The following ZMAT5 variants were observed in gnomAD, a reference collection of about 807,000 sequenced individuals.
The protein encoded by ZMAT5 is zinc finger matrin-type protein 5.
A neutral mutation model predicts 28.0 loss-of-function variants in ZMAT5; 23 were observed. That is an observed-to-expected ratio of 0.82 (90% CI 0.59 to 1.16). The LOEUF (loss-of-function observed/expected upper bound fraction) is 1.16, where lower values mean the gene tolerates loss of function less well. ZMAT5 is among the 50% of genes most tolerant of loss of function. ZMAT5 has a pLI of 0.00. For missense variants in ZMAT5, 173 were observed against 212.7 expected (o/e 0.81, Z 1.16); for synonymous variants, 76 against 84.1 (o/e 0.90, Z 0.52).
intron 1 of ZMAT5, among the ~76,000 whole-genome samples, 184 bp downstream of exon 1, chr22:29,766,688 G>C (rs1323855604): frequency 6.6e-6 from 1 of 152,188 alleles, no homozygotes; most frequent in Non-Finnish European, 1.5e-5. Context: ...CTTAATCCAG[G>C]GTGAAGGGTT....
At chr22:29,733,998 ACT>A (rs953737015) in intron 5 of ZMAT5, among the ~76,000 whole-genome samples, 13 of 152,008 alleles carry the variant, frequency 8.6e-5, no homozygotes, top group Non-Finnish European at 1.2e-4. Flanking sequence ...GACAGGAGCC[ACT>A]CTCTTGCATT....
chr22:29,733,313 A>G (rs2067871023), intron 5 of ZMAT5, among the ~76,000 whole-genome samples: 1 of 152,078 alleles, frequency 6.6e-6, no homozygotes, highest in South Asian at 2.1e-4. Context: ...GCCTGCGGAG[A>G]GGGGTTTGGA....
At chr22:29,763,190 G>A (rs2068174218) in intron 1 of ZMAT5, among the ~76,000 whole-genome samples, 1 of 152,118 alleles carries the variant, frequency 6.6e-6, no homozygotes, top group South Asian at 2.1e-4. Context: ...TTACTCGGGA[G>A]GCTGAGAGAA....
rs2067927293 is a variant in ZMAT5 at position 29,738,351 on chromosome 22, A to G, written c.362T>C (p.Leu121Pro). ...GTACCTGCTACTTGGGGCTGAGCTCAGCCGCTTGGCTCTCTTCTCCAGCCA... is the reference window on the plus strand; with the variant it reads ...GTACCTGCTACTTGGGGCTGAGCTCGGCCGCTTGGCTCTCTTCTCCAGCCA... ...EDWLEKRAKR[L>P]SSAPSSRAEP... Residue 121 changes from leucine (L) to proline (P), a missense_variant, in exon 5 of 6, where the codon CTG becomes CCG. Coordinates refer to ENST00000344318, the MANE Select transcript of ZMAT5 (RefSeq NM_001003692.2). 3.7e-6 allele frequency: 6 copies of G among 1,609,482 alleles called. No homozygotes were observed. The highest frequency in any genetic ancestry group is 5.1e-6 in the Non-Finnish European group (6 of 1,179,750).
chr22:29,752,905 G>C (rs1392971341), intron 1 of ZMAT5, among the ~76,000 whole-genome samples: 3 of 152,014 alleles, frequency 2.0e-5, no homozygotes, highest in Non-Finnish European at 2.9e-5. Context: ...GAGACCAACG[G>C]GCAGCACAGT....
At chr22:29,733,556 T>A (rs1311406705) in intron 5 of ZMAT5, among the ~76,000 whole-genome samples, 2 of 152,142 alleles carry the variant, frequency 1.3e-5, no homozygotes, top group Non-Finnish European at 2.9e-5. Flanking sequence ...GCTCTTGACA[T>A]GATTTATGGC....
At chr22:29,743,945 A>G (rs1300462341) in intron 2 of ZMAT5, among the ~76,000 whole-genome samples, 1 of 152,212 alleles carries the variant, frequency 6.6e-6, no homozygotes, top group African/African-American at 2.4e-5. Context: ...CACAGGCTCC[A>G]GAGTCCAAGA....
rs2068035569 is a variant in ZMAT5, at chr22:29,749,134, G to C, written c.-27-563C>G. Among the ~76,000 whole-genome samples, 6 of 152,290 alleles carry C rather than the reference G, an allele frequency of 3.9e-5. No individual in the cohort carries two copies. The South Asian group carries it at 1.2e-3, about 32-fold the overall frequency. On this transcript the variant is annotated intron_variant, in intron 1 of 5. Coordinates refer to ENST00000344318, the MANE Select transcript of ZMAT5 (RefSeq NM_001003692.2). ...GCTCTGTCACCCAGGGTGGAGTGCAGTGGTGTGATCACGGCTTACTGTAGC... is the reference window on the plus strand; with the variant it reads ...GCTCTGTCACCCAGGGTGGAGTGCACTGGTGTGATCACGGCTTACTGTAGC...
Position 29,738,368 on chromosome 22 carries a change from C to T in ZMAT5, c.345G>A (p.Glu115=). The change falls in exon 5 of 6, where the codon GAG becomes GAA. Residue 115 remains glutamate (E), a synonymous_variant. Transcript: ENST00000344318. ...CTGAGCTCAGCCGCTTGGCTCTCTT[C>T]TCCAGCCAGTCCTCCAGATGGCCCT... ...LPEGHLEDWL[E]KRAKRLSSAP... is the part of the protein sequence containing the mutation. The T allele has an allele frequency of 6.2e-7, 1 of 1,610,326 alleles. No individual in the cohort carries two copies. The highest frequency in any genetic ancestry group is 8.5e-7 in the Non-Finnish European group (1 of 1,179,804).
At chr22:29,734,780 G>A (rs901864706) in intron 5 of ZMAT5, among the ~76,000 whole-genome samples, 5 of 152,222 alleles carry the variant, frequency 3.3e-5, no homozygotes, top group African/African-American at 1.2e-4. Flanking sequence ...GGCAAGAGGT[G>A]AGAAGGTGAG....
intron 5 of ZMAT5, among the ~76,000 whole-genome samples, chr22:29,736,576 C>T (rs112629541): frequency 0.046 from 6,903 of 151,562 alleles, 543 homozygotes; most frequent in African/African-American, 0.16. Flanking sequence ...AAAAATTAGC[C>T]GGGCATGGTG....
At chr22:29,733,740 G>A (rs1051583223) in intron 5 of ZMAT5, among the ~76,000 whole-genome samples, 12 of 152,172 alleles carry the variant, frequency 7.9e-5, no homozygotes, top group African/African-American at 2.4e-4. Flanking sequence ...CTGAGCCTCA[G>A]GCCCTTCCTC....
intron 1 of ZMAT5, among the ~76,000 whole-genome samples, chr22:29,752,874 C>T (rs1453083213): frequency 1.3e-5 from 2 of 152,206 alleles, no homozygotes; most frequent in Non-Finnish European, 1.5e-5. Flanking sequence ...GTCACAGACA[C>T]ATGTGCAGTG....
At position 29,740,716 on chromosome 22, in the gene ZMAT5, C is replaced by CAA. The variant is rs1569335990; in HGVS notation, c.203_204dup (p.Gly69LeufsTer18). 6.3e-7 allele frequency: 1 copy of CAA among 1,598,236 alleles called. No homozygotes were observed. The highest frequency in any genetic ancestry group is 8.5e-7 in the Non-Finnish European group (1 of 1,172,744). Reference sequence around the variant, plus strand: ...ATGTGGGAAAATCTGCAGTTGGAGCCAAAGTCGCACTGGCCTGCAGCAGGA... The same window carrying CAA: ...ATGTGGGAAAATCTGCAGTTGGAGCCAAAAAGTCGCACTGGCCTGCAGCAGGA... On this transcript the variant is annotated frameshift_variant, in exon 4 of 6. Coordinates refer to ENST00000344318, the MANE Select transcript of ZMAT5 (RefSeq NM_001003692.2). LOFTEE classifies it high-confidence loss of function.
rs373600119 is a variant in ZMAT5 at position 29,748,515 on chromosome 22, G to A, written c.30C>T (p.Cys10=). Residue 10 remains cysteine, a synonymous_variant, in exon 2 of 6, where the codon TGC becomes TGT. Transcript: ENST00000344318. ...GGAGGTTGTCCTGGAAGGAGCGGTC[G>A]CAGTAGTCACAGAAGTATCGCTTCC... The part of the protein sequence containing the change: MGKRYFCDY[C]DRSFQDNLHN... The A allele has an allele frequency of 2.2e-5, 35 of 1,614,104 alleles. No homozygotes were observed. In the African/African-American group the frequency reaches 2.9e-4, roughly 14 times the overall value.
rs562577309 is a variant in ZMAT5 at position 29,743,670 on chromosome 22, G to A, written c.128-1190C>T. ...TGGTCTCGAACTCCTGGGCTCAAGCGATCCTCCCCACTTGGCCTCCCAAAG... is the reference window on the plus strand; with the variant it reads ...TGGTCTCGAACTCCTGGGCTCAAGCAATCCTCCCCACTTGGCCTCCCAAAG... On this transcript the variant is annotated intron_variant, in intron 2 of 5. Transcript: ENST00000344318. Among the ~76,000 whole-genome samples, 223 of 152,298 alleles carry A rather than the reference G, an allele frequency of 1.5e-3. 2 individuals carry two copies. Among genetic ancestry groups the A allele is most frequent in the African/African-American group, 5.2e-3 (218 of 41,566 alleles).
chr22:29,764,199 T>C (rs1477093461), intron 1 of ZMAT5, among the ~76,000 whole-genome samples: 1 of 152,094 alleles, frequency 6.6e-6, no homozygotes, highest in Non-Finnish European at 1.5e-5. Flanking sequence ...CTCCCTGTGG[T>C]CTTCCCTACT....
chr22:29,740,437 C>T (rs1364617005), intron 4 of ZMAT5, among the ~76,000 whole-genome samples: 4 of 152,140 alleles, frequency 2.6e-5, no homozygotes, highest in African/African-American at 9.7e-5. Context: ...ACAGGCTCCA[C>T]TGTAAGGGGA....
Position 29,764,646 on chromosome 22 carries a change from G to A in ZMAT5, c.-28+2226C>T, listed in dbSNP as rs558067104. 2.4e-4 allele frequency among the ~76,000 whole-genome samples: 37 copies of A among 152,182 alleles called. No individual in the cohort carries two copies. In the South Asian group the frequency reaches 2.5e-3, roughly 10 times the overall value. ...CTCCCGAGTTGCTGGGATTACAAGC[G>A]GGTACCACCACACCTGGCTAATTTT... On this transcript the variant is annotated intron_variant, in intron 1 of 5. Transcript: ENST00000344318.
Sources: gnomAD v4.1 joint callset for allele counts (sites outside exome capture counted in the v4.1 genomes callset) on GRCh38, gnomAD v4.1.1 for gene constraint, MANE v1.5 for transcripts, NCBI Gene and HGNC (gene_info 2026-07-23, HGNC 2026-07-21) for gene names.